Variants in KIAA1671 observed in about 807,000 individuals in gnomAD.
KIAA1671 encodes KIAA1671.
KIAA1671 carries 52 observed loss-of-function variants against 131.2 expected under a neutral mutation model. The observed-to-expected ratio is 0.40, with a 90% CI of 0.32 to 0.50. The LOEUF (loss-of-function observed/expected upper bound fraction) is 0.50. KIAA1671 is among the 20% of genes least tolerant of loss of function. The pLI is 0.73. For synonymous variants in KIAA1671, 1,003 were observed against 961.6 expected, an observed-to-expected ratio of 1.04 and a Z score of -0.80; for missense variants, 2,360 against 2,364.2, an observed-to-expected ratio of 1.00 and a Z score of 0.04.
intron 6 of KIAA1671, among the ~76,000 whole-genome samples, chr22:25,098,092 T>C (rs1026272237): frequency 6.6e-6 from 1 of 152,188 alleles, no homozygotes; most frequent in Admixed American, 6.5e-5. Context: ...CAGAGGGTTG[T>C]GAAAATTGAC....
Position 24,994,445 on chromosome 22 carries a change from C to T in KIAA1671, c.-207-31188C>T, listed in dbSNP as rs117352788. Among the ~76,000 whole-genome samples the T allele has an allele frequency of 6.4e-3, 982 of 152,266 alleles. 9 individuals are homozygous for T. Among genetic ancestry groups the T allele is most frequent in the East Asian group, 0.06 (312 of 5,172 alleles). On this transcript the variant is annotated intron_variant, in intron 1 of 12. Transcript: ENST00000358431. ...CTATAGAACATGCCATTAAATTATC[C>T]GACTTGAGTGCTAGGTAGCTGGGGT...
At chr22:24,984,935 AAAG>A (rs952898230) in intron 1 of KIAA1671, among the ~76,000 whole-genome samples, 5 of 151,278 alleles carry the variant, frequency 3.3e-5, no homozygotes, top group African/African-American at 1.2e-4. Context: ...AAAAAAAAAA[AAAG>A]CAGGCAAACA....
intron 10 of KIAA1671, among the ~76,000 whole-genome samples, chr22:25,183,858 T>C (rs910334114): frequency 1.4e-5 from 2 of 142,360 alleles, no homozygotes; most frequent in African/African-American, 5.0e-5. Context: ...CCTTCCTTCC[T>C]TCCCTCATTT....
chr22:25,012,499 C>A (rs994519328), intron 1 of KIAA1671: 2 of 152,050 alleles, frequency 1.3e-5, no homozygotes, highest in Non-Finnish European at 2.9e-5. Flanking sequence ...TCTCGAACCC[C>A]TGACCTCAGG....
chr22:25,018,774 T>G (rs1413189870), intron 1 of KIAA1671, among the ~76,000 whole-genome samples: 1 of 152,218 alleles, frequency 6.6e-6, no homozygotes, highest in Non-Finnish European at 1.5e-5. Context: ...TTCCATTGTA[T>G]AAGGATAGAT....
rs972404848 is a variant in KIAA1671, at chr22:25,147,312, C to A, written c.4531-23508C>A. Among the ~76,000 whole-genome samples the A allele has an allele frequency of 5.3e-5, 8 of 152,090 alleles. No homozygotes were observed. In the South Asian group the frequency reaches 1.2e-3, roughly 24 times the overall value. ...GGTTCAAGTGATTCTCCTGCCTCAG[C>A]CTCCTGAGTAGCTGGGATGACAGAC... On this transcript the variant is annotated intron_variant, in intron 6 of 12. Transcript: ENST00000358431.
At chr22:24,975,706 G>T (rs1372733504) in intron 1 of KIAA1671, among the ~76,000 whole-genome samples, 1 of 152,162 alleles carries the variant, frequency 6.6e-6, no homozygotes, top group African/African-American at 2.4e-5. Context: ...ACCTCAGGAG[G>T]ATCCCATCAG....
chr22:25,172,537 G>A lies in KIAA1671; in HGVS notation c.4649+1599G>A, dbSNP rs1269900675. 7.2e-5 allele frequency among the ~76,000 whole-genome samples: 11 copies of A among 152,332 alleles called. No homozygotes were observed. In the South Asian group the frequency reaches 2.1e-3, roughly 29 times the overall value. Reference sequence around the variant, plus strand: ...TGCCAGCACACCTGTGGAAAGTTCTGCTCAAGGGAGCAGACTGGTGGTCTT... The same window carrying A: ...TGCCAGCACACCTGTGGAAAGTTCTACTCAAGGGAGCAGACTGGTGGTCTT... On this transcript the variant is annotated intron_variant, in intron 7 of 12. Coordinates refer to ENST00000358431, the MANE Select transcript of KIAA1671 (RefSeq NM_001145206.2).
intron 1 of KIAA1671, among the ~76,000 whole-genome samples, chr22:24,971,622 A>G (rs1043594102): frequency 6.6e-5 from 10 of 152,218 alleles, no homozygotes; most frequent in African/African-American, 2.2e-4. Flanking sequence ...TGAATGTTGT[A>G]CCCACAACAT....
chr22:25,016,261 C>T (rs1295887275), intron 1 of KIAA1671, among the ~76,000 whole-genome samples: 2 of 152,100 alleles, frequency 1.3e-5, no homozygotes, highest in African/African-American at 4.8e-5. Context: ...CCTCGTGATC[C>T]GCCCGCCTCG....
chr22:25,092,950 G>A (rs936494369), intron 6 of KIAA1671, among the ~76,000 whole-genome samples: 3 of 152,200 alleles, frequency 2.0e-5, no homozygotes, highest in Non-Finnish European at 1.5e-5. Context: ...CCAGATGCAG[G>A]GAACAGGGAG....
intron 6 of KIAA1671, chr22:25,110,245 T>TG (rs1394193248): frequency 6.6e-6 from 1 of 152,228 alleles, no homozygotes; most frequent in Non-Finnish European, 1.5e-5. Flanking sequence ...GTGATAAACT[T>TG]TCTCAAGTGA....
In KIAA1671 at chr22:24,961,153, C is replaced by T. The variant is rs143842549; in HGVS notation, c.-208+8381C>T. Among the ~76,000 whole-genome samples, 616 of 152,168 alleles carry T rather than the reference C, an allele frequency of 4.0e-3. 3 individuals are homozygous for T. Among genetic ancestry groups the T allele is most frequent in the African/African-American group, 0.014 (568 of 41,518 alleles). ...CCTCCCAAGTAGCTGGGATTACAGGCATGCACCACCACGCCTGGCTAATTT... is the reference window on the plus strand; with the variant it reads ...CCTCCCAAGTAGCTGGGATTACAGGTATGCACCACCACGCCTGGCTAATTT... On this transcript the variant is annotated intron_variant, in intron 1 of 12. Transcript: ENST00000358431.
At chr22:25,000,184 GT>G (rs1184771280) in intron 1 of KIAA1671, among the ~76,000 whole-genome samples, 40 of 62,164 alleles carry the variant, frequency 6.4e-4, no homozygotes, top group East Asian at 2.6e-3. Flanking sequence ...CTCCTCGCCT[GT>G]TTTTTTTTTT....
intron 7 of KIAA1671, 107 bp from the exon 8 acceptor site, chr22:25,174,133 T>G: frequency 7.9e-7 from 1 of 1,265,384 alleles, no homozygotes; most frequent in Non-Finnish European, 1.1e-6. Flanking sequence ...TTACTTGGCT[T>G]ATAAAACATA....
intron 10 of KIAA1671, among the ~76,000 whole-genome samples, chr22:25,183,426 T>TTCCCTCCCTCCCTCCCTCCCTCCC (rs67759608): frequency 9.0e-6 from 1 of 111,002 alleles, no homozygotes; most frequent in East Asian, 2.8e-4. Flanking sequence ...CTGACTTTCT[T>TTCCCTCCCTCCCTCCCTCCCTCCC]TCCCTCCCTC....
chr22:24,994,849 G>A (rs1699185933), intron 1 of KIAA1671, among the ~76,000 whole-genome samples: 1 of 152,080 alleles, frequency 6.6e-6, no homozygotes, highest in Non-Finnish European at 1.5e-5. Flanking sequence ...AGCACCTGCT[G>A]TATACACTTT....
intron 1 of KIAA1671, among the ~76,000 whole-genome samples, chr22:24,986,373 C>T (rs1202071977): frequency 1.3e-5 from 2 of 152,044 alleles, no homozygotes; most frequent in Non-Finnish European, 2.9e-5. Context: ...TGCATGTAAC[C>T]TATACATATC....
intron 6 of KIAA1671, among the ~76,000 whole-genome samples, chr22:25,166,612 A>G (rs534248151): frequency 3.3e-5 from 5 of 152,290 alleles, no homozygotes; most frequent in African/African-American, 1.2e-4. Context: ...CTGACTCCAA[A>G]GAGGGCCTGA....
Sources: allele counts gnomAD v4.1 joint callset (sites outside exome capture counted in the v4.1 genomes callset), GRCh38; gene constraint gnomAD v4.1.1; transcripts MANE v1.5; gene names NCBI Gene and HGNC (gene_info 2026-07-23, HGNC 2026-07-21).